PTPRM: variants seen among roughly 807,000 people sequenced by gnomAD.
PTPRM encodes receptor-type tyrosine-protein phosphatase mu.
In PTPRM, 47 loss-of-function variants were observed where a neutral mutation model predicts 186.7. The ratio of observed to expected loss-of-function variants is 0.25; its 90% confidence interval spans 0.20 to 0.32. PTPRM has a LOEUF of 0.32. Ranked by LOEUF, PTPRM falls within the 10% of genes least tolerant of loss-of-function variation. The pLI is 1.00. For synonymous variants in PTPRM, 668 were observed against 674.9 expected (o/e 0.99, Z 0.16); for missense variants, 1,494 against 1,865.0 (o/e 0.80, Z 3.66).
chr18:8,201,772 A>T (rs1568511762), intron 14 of PTPRM, among the ~76,000 whole-genome samples: 3 of 152,092 alleles, frequency 2.0e-5, no homozygotes, highest in Admixed American at 2.0e-4. Flanking sequence ...AATTCTAATT[A>T]CCTCCTAGAT....
intron 7 of PTPRM, among the ~76,000 whole-genome samples, chr18:8,012,299 T>G (rs910000456): frequency 1.3e-5 from 2 of 152,270 alleles, no homozygotes; most frequent in African/African-American, 4.8e-5. Context: ...TGCCATTTTT[T>G]GTTTCCAGAG....
chr18:8,118,645 C>G (rs2092047770), intron 13 of PTPRM, among the ~76,000 whole-genome samples: 1 of 151,824 alleles, frequency 6.6e-6, no homozygotes, highest in African/African-American at 2.4e-5. Context: ...ACTAAAAATA[C>G]AAAAATTAGC....
At chr18:7,953,984 G>GA (rs971654442) in intron 6 of PTPRM, among the ~76,000 whole-genome samples, 2 of 152,080 alleles carry the variant, frequency 1.3e-5, no homozygotes, top group African/African-American at 2.4e-5. Context: ...ATACAGTCTT[G>GA]AAAAAAATCA....
intron 3 of PTPRM, among the ~76,000 whole-genome samples, chr18:7,894,336 C>T (rs1273027043): frequency 1.3e-5 from 2 of 152,102 alleles, no homozygotes; most frequent in Non-Finnish European, 2.9e-5. Context: ...CCTGTAATCC[C>T]AGCACTTTGG....
chr18:7,792,369 A>G (rs1293957871), intron 2 of PTPRM, among the ~76,000 whole-genome samples: 1 of 152,116 alleles, frequency 6.6e-6, no homozygotes, highest in Non-Finnish European at 1.5e-5. Context: ...CACAGAGGAA[A>G]ACCCCAGAAG....
At position 8,123,722 on chromosome 18, in the gene PTPRM, C is replaced by T. The variant is rs561750895; in HGVS notation, c.2167+8895C>T. 2.0e-5 allele frequency among the ~76,000 whole-genome samples: 3 copies of T among 152,236 alleles called. No homozygotes were observed. In the South Asian group the frequency reaches 6.2e-4, roughly 32 times the overall value. On this transcript the variant is annotated intron_variant, in intron 13 of 32. Coordinates refer to ENST00000580170, the MANE Select transcript of PTPRM (RefSeq NM_001105244.2). Reference sequence around the variant, plus strand: ...CTTAATAAGTCCTCCCCTCTAAAACCTTGACCTTTCAGGACTGGCCTGTGG... The same window carrying T: ...CTTAATAAGTCCTCCCCTCTAAAACTTTGACCTTTCAGGACTGGCCTGTGG...
intron 1 of PTPRM, among the ~76,000 whole-genome samples, chr18:7,621,095 C>G (rs527691863): frequency 6.6e-6 from 1 of 152,252 alleles, no homozygotes; most frequent in African/African-American, 2.4e-5. Flanking sequence ...TTATTGTATG[C>G]TGCAATATTC....
At chr18:7,984,953 ATAAT>A (rs2082807722) in intron 7 of PTPRM, among the ~76,000 whole-genome samples, 1 of 125,926 alleles carries the variant, frequency 7.9e-6, no homozygotes, top group African/African-American at 3.2e-5. Context: ...ATATACATAT[ATAAT>A]TATATACATA....
intron 7 of PTPRM, among the ~76,000 whole-genome samples, chr18:7,955,658 C>T (rs2147120372): frequency 6.6e-6 from 1 of 152,290 alleles, no homozygotes; most frequent in South Asian, 2.1e-4. Flanking sequence ...TTACTTCTTA[C>T]TCTGAGTACC....
intron 7 of PTPRM, among the ~76,000 whole-genome samples, chr18:8,045,068 AG>A (rs2086951170): frequency 6.6e-6 from 1 of 152,062 alleles, no homozygotes; most frequent in African/African-American, 2.4e-5. Flanking sequence ...GTATGTAAGC[AG>A]GGCATGGTGG....
At chr18:8,363,305 C>T (rs11662001) in intron 23 of PTPRM, among the ~76,000 whole-genome samples, 32,337 of 152,158 alleles carry the variant, frequency 0.21, 3,612 homozygotes, top group Non-Finnish European at 0.25. Flanking sequence ...ATCGTTTTCA[C>T]CAGCATGTGA....
At chr18:8,054,390 T>C (rs2087759227) in intron 7 of PTPRM, among the ~76,000 whole-genome samples, 1 of 149,586 alleles carries the variant, frequency 6.7e-6, no homozygotes, top group Non-Finnish European at 1.5e-5. Context: ...CCTGTTTTTC[T>C]ACATTTCCCC....
intron 5 of PTPRM, among the ~76,000 whole-genome samples, chr18:7,946,445 T>C (rs1029980089): frequency 6.6e-6 from 1 of 152,216 alleles, no homozygotes; most frequent in Non-Finnish European, 1.5e-5. Flanking sequence ...TAATTTCTTT[T>C]CCCTTCAAAA....
chr18:8,299,989 A>G (rs1296923517), intron 20 of PTPRM, among the ~76,000 whole-genome samples: 2 of 152,066 alleles, frequency 1.3e-5, no homozygotes, highest in Non-Finnish European at 2.9e-5. Context: ...CTTGGGATCA[A>G]TTTTTTCAGC....
rs770723322 is a variant in PTPRM, at chr18:8,370,904, A to G, written c.3069A>G (p.Lys1023=). ...LVEVGRVKCC[K]YWPDDTEIYK... is the part of the protein sequence containing the mutation. Reference sequence around the variant, plus strand: ...GTTTTCTAAAGGTCAAATGCTGCAAATACTGGCCAGATGACACAGAGATAT... The same window carrying G: ...GTTTTCTAAAGGTCAAATGCTGCAAGTACTGGCCAGATGACACAGAGATAT... The change falls in exon 24 of 33, where the codon AAA becomes AAG. Residue 1023 remains lysine, a synonymous_variant. Coordinates refer to ENST00000580170, the MANE Select transcript of PTPRM (RefSeq NM_001105244.2). 7.5e-6 allele frequency: 12 copies of G among 1,596,278 alleles called. No individual in the cohort carries two copies. In the East Asian group the frequency reaches 2.7e-4, roughly 36 times the overall value.
At chr18:7,895,268 G>T (rs574230027) in intron 3 of PTPRM, among the ~76,000 whole-genome samples, 1 of 152,304 alleles carries the variant, frequency 6.6e-6, no homozygotes, top group Admixed American at 6.5e-5. Context: ...CTCTTAAGAA[G>T]CGGTGGCAGT....
chr18:8,076,400 T>A (rs951074832), intron 8 of PTPRM, 55 bp from the exon 9 acceptor site: 1 of 1,061,794 alleles, frequency 9.4e-7, no homozygotes, highest in East Asian at 2.5e-5. Context: ...TCTAGAAAAA[T>A]CTACTTTTTA....
chr18:8,311,345 G>A (rs1282210041), intron 20 of PTPRM, among the ~76,000 whole-genome samples: 1 of 151,856 alleles, frequency 6.6e-6, no homozygotes, highest in African/African-American at 2.4e-5. Flanking sequence ...AAAAGGCACT[G>A]TGGACCCATT....
intron 1 of PTPRM, among the ~76,000 whole-genome samples, chr18:7,720,794 A>G (rs2040432005): frequency 6.6e-6 from 1 of 152,170 alleles, no homozygotes; most frequent in Non-Finnish European, 1.5e-5. Context: ...TGCATGTGGC[A>G]TGTCAGAATT....
Sources: allele counts gnomAD v4.1 joint callset (sites outside exome capture counted in the v4.1 genomes callset), GRCh38; gene constraint gnomAD v4.1.1; transcripts MANE v1.5; gene names NCBI Gene and HGNC (gene_info 2026-07-23, HGNC 2026-07-21).